WIPF1: variants seen among roughly 807,000 people sequenced by gnomAD.
WIPF1 encodes WAS/WASL-interacting protein family member 1.
A neutral mutation model predicts 35.4 loss-of-function variants in WIPF1; 13 were observed. That is an observed-to-expected ratio of 0.37 (90% CI 0.24 to 0.58). The LOEUF (loss-of-function observed/expected upper bound fraction) is 0.58, where lower values mean the gene tolerates loss of function less well. Among genes scored for constraint, WIPF1 ranks in the 20% least tolerant of loss-of-function variants. The probability of loss-of-function intolerance (pLI) is 0.74; values close to 1 mark genes in which losing one functional copy is unlikely to be tolerated. For missense variants in WIPF1, 591 were observed against 667.0 expected (o/e 0.89, Z 1.25); for synonymous variants, 267 against 266.3 (o/e 1.00, Z -0.02).
intron 5 of WIPF1, among the ~76,000 whole-genome samples, chr2:174,570,080 T>G (rs575986245): frequency 6.6e-6 from 1 of 152,344 alleles, no homozygotes; most frequent in African/African-American, 2.4e-5. Flanking sequence ...TACAAAAATA[T>G]ATCACTGCAT....
chr2:174,562,681 C>T (rs992668099), intron 7 of WIPF1, 79 bp from the exon 8 acceptor site: 21 of 1,558,694 alleles, frequency 1.3e-5, no homozygotes, highest in Middle Eastern at 1.7e-4. Flanking sequence ...GATGGTTGCA[C>T]GGGTACCCAC....
rs199922968 is a variant in WIPF1, at chr2:174,575,298, G to A, written c.264C>T (p.Gly88=). ...GTCCGCCCCCTCCAAAACTTCCACCGCCTCCGCCACCACCTCCTCCGCCAA... is the reference window on the plus strand; with the variant it reads ...GTCCGCCCCCTCCAAAACTTCCACCACCTCCGCCACCACCTCCTCCGCCAA... The part of the protein sequence containing the change: ...GGFGGGGGGG[G]GGSFGGGGPP... Residue 88 remains glycine (G), a synonymous_variant, in exon 4 of 8, where the codon GGC becomes GGT. Transcript: ENST00000679041. 3.1e-6 allele frequency: 5 copies of A among 1,613,366 alleles called. No individual in the cohort carries two copies. Among genetic ancestry groups the A allele is most frequent in the East Asian group, 2.2e-5 (1 of 44,860 alleles).
At chr2:174,653,213 C>A (rs915852172) in intron 1 of WIPF1, among the ~76,000 whole-genome samples, 2 of 152,172 alleles carry the variant, frequency 1.3e-5, no homozygotes, top group African/African-American at 4.8e-5. Context: ...CCCCCAACAC[C>A]TATGGTGTTA....
intron 1 of WIPF1, among the ~76,000 whole-genome samples, chr2:174,666,251 T>G (rs566284143): frequency 6.6e-6 from 1 of 152,172 alleles, no homozygotes; most frequent in Non-Finnish European, 1.5e-5. Context: ...GGTGACACAG[T>G]GAGATCTCAT....
upstream of WIPF1, among the ~76,000 whole-genome samples, chr2:174,602,770 A>C (rs1686048814): frequency 6.6e-6 from 1 of 152,210 alleles, no homozygotes; most frequent in African/African-American, 2.4e-5. Flanking sequence ...TGTTAATATA[A>C]ATTGATGTAA....
At position 174,648,629 on chromosome 2, in the gene WIPF1, T is replaced by C. The variant is rs144246811; in HGVS notation, c.-39+34145A>G. Among the ~76,000 whole-genome samples, 110 of 152,362 alleles carry C rather than the reference T, an allele frequency of 7.2e-4. No homozygotes were observed. The Middle Eastern group carries it at 0.017, about 24-fold the overall frequency. On this transcript the variant is annotated intron_variant, in intron 1 of 8. Transcript: ENST00000272746. ...GGAAAATTAGCAACATGAACTGTAA[T>C]ATTCATGAAAGCATGCTGAGATTTC...
At chr2:174,675,426 A>C (rs1574873782) in intron 1 of WIPF1, among the ~76,000 whole-genome samples, 1 of 151,786 alleles carries the variant, frequency 6.6e-6, no homozygotes, top group East Asian at 1.9e-4. Flanking sequence ...GCATGATCAT[A>C]GCTTACTATA....
chr2:174,563,185 A>G (rs188061107), intron 7 of WIPF1, among the ~76,000 whole-genome samples: 242 of 152,348 alleles, frequency 1.6e-3, no homozygotes, highest in Middle Eastern at 3.4e-3. Flanking sequence ...TAATGGGTGT[A>G]AAGTTGTATC....
Position 174,637,521 on chromosome 2 carries a change from C to T in WIPF1, c.-39+45253G>A, listed in dbSNP as rs1291228275. On this transcript the variant is annotated intron_variant, in intron 1 of 8. Coordinates refer to the WIPF1 transcript ENST00000272746. ...CTGCAAAACACCATAATTCCAGTGG[C>T]TCACGCCTGTAATCCCAGCACTTTG... Among the ~76,000 whole-genome samples the T allele has an allele frequency of 2.0e-5, 3 of 152,238 alleles. No individual in the cohort carries two copies. The East Asian group carries it at 5.8e-4, about 29-fold the overall frequency.
At chr2:174,598,626 G>A (rs1307830934), upstream of WIPF1, among the ~76,000 whole-genome samples, 8 of 152,118 alleles carry the variant, frequency 5.3e-5, no homozygotes, top group African/African-American at 1.4e-4. Context: ...GGCAGCAAAT[G>A]AGTTTTGAAA....
At chr2:174,668,125 G>A (rs1365887583) in intron 1 of WIPF1, among the ~76,000 whole-genome samples, 1 of 152,162 alleles carries the variant, frequency 6.6e-6, no homozygotes. Flanking sequence ...CCTTGGTCCT[G>A]CCCAGTAAAA....
chr2:174,572,376 G>A lies in WIPF1; in HGVS notation c.429C>T (p.Pro143=). ...GRSTSAKPFS[P]PSGPGRFPVP... ...CAGGAAACCTCCCTGGGCCACTTGG[G>A]GGTGAAAAGGGTTTCGCAGATGTGG... The change falls in exon 5 of 8, where the codon CCC becomes CCT. Residue 143 remains proline (P), a synonymous_variant. Transcript: ENST00000679041. 1 of 1,614,154 alleles carries A rather than the reference G, an allele frequency of 6.2e-7. No individual in the cohort carries two copies. The highest frequency in any genetic ancestry group is 8.5e-7 in the Non-Finnish European group (1 of 1,180,026).
chr2:174,611,809 G>A (rs1464543132), intron 1 of WIPF1, among the ~76,000 whole-genome samples: 5 of 152,184 alleles, frequency 3.3e-5, no homozygotes, highest in Admixed American at 3.3e-4. Flanking sequence ...TTAGTTGGAG[G>A]AAGACACCAC....
chr2:174,646,894 C>T (rs764558684), intron 1 of WIPF1, among the ~76,000 whole-genome samples: 14 of 152,170 alleles, frequency 9.2e-5, no homozygotes, highest in Non-Finnish European at 1.8e-4. Flanking sequence ...AAACTACAGG[C>T]GTGAGCCACC....
At chr2:174,680,879 C>A (rs901983985) in intron 1 of WIPF1, among the ~76,000 whole-genome samples, 9 of 152,160 alleles carry the variant, frequency 5.9e-5, no homozygotes, top group African/African-American at 2.2e-4. Context: ...GATCCTCATA[C>A]CCTGCAGTGG....
At chr2:174,609,129 G>A (rs1289362182) in intron 1 of WIPF1, among the ~76,000 whole-genome samples, 2 of 152,182 alleles carry the variant, frequency 1.3e-5, no homozygotes, top group Non-Finnish European at 2.9e-5. Flanking sequence ...CCATAAGAAT[G>A]GGGGGCCTTC....
At chr2:174,643,689 C>A (rs567419365) in intron 1 of WIPF1, among the ~76,000 whole-genome samples, 1 of 151,900 alleles carries the variant, frequency 6.6e-6, no homozygotes, top group Admixed American at 6.6e-5. Flanking sequence ...GGATTACAGG[C>A]GTGAGCCACC....
In WIPF1 at chr2:174,562,098, C is replaced by CA; in HGVS notation, c.*448_*449insT. On this transcript the variant is annotated 3_prime_UTR_variant, in exon 8 of 8. Coordinates refer to ENST00000679041, the MANE Select transcript of WIPF1 (RefSeq NM_001375834.1). ...CCTGTGACTGCAAGTTTCCAGTGAG[C>CA]CCTTACTCAGCAGCTTGCTTAGGTG... 1 of 1,550,606 alleles carries CA rather than the reference C, an allele frequency of 6.4e-7. No individual in the cohort carries two copies. Among genetic ancestry groups the CA allele is most frequent in the Non-Finnish European group, 8.7e-7 (1 of 1,146,984 alleles).
intron 1 of WIPF1, among the ~76,000 whole-genome samples, chr2:174,663,063 C>T (rs1404848883): frequency 6.6e-6 from 1 of 152,104 alleles, no homozygotes; most frequent in African/African-American, 2.4e-5. Context: ...ATAAACATGC[C>T]CTTTTCAATA....
Sources: allele counts gnomAD v4.1 joint callset (sites outside exome capture counted in the v4.1 genomes callset), GRCh38; gene constraint gnomAD v4.1.1; transcripts MANE v1.5; gene names NCBI Gene and HGNC (gene_info 2026-07-23, HGNC 2026-07-21).